The following TRIM44 variants were observed in gnomAD, a reference collection of about 807,000 sequenced individuals.
TRIM44 encodes tripartite motif-containing protein 44.
Under a neutral mutation model 37.4 loss-of-function variants are expected in TRIM44, and 13 were observed. That is an observed-to-expected ratio of 0.35 (90% CI 0.23 to 0.55). The LOEUF (loss-of-function observed/expected upper bound fraction) is 0.55. TRIM44 is among the 20% of genes least tolerant of loss of function. The pLI is 0.89. For missense variants in TRIM44, 426 were observed against 437.2 expected, an observed-to-expected ratio of 0.97 and a Z score of 0.23; for synonymous variants, 175 against 157.2, an observed-to-expected ratio of 1.11 and a Z score of -0.85.
intron 4 of TRIM44, among the ~76,000 whole-genome samples, chr11:35,758,023 T>G (rs972195314): frequency 6.6e-6 from 1 of 152,192 alleles, no homozygotes; most frequent in African/African-American, 2.4e-5. Context: ...GTCCGCTTGG[T>G]GCAGAGCTGA....
At chr11:35,696,474 T>G (rs888801508) in intron 2 of TRIM44, among the ~76,000 whole-genome samples, 3 of 151,978 alleles carry the variant, frequency 2.0e-5, no homozygotes, top group Admixed American at 2.0e-4. Context: ...AAACCTTTAC[T>G]CACTGATAGA....
intron 4 of TRIM44, among the ~76,000 whole-genome samples, chr11:35,735,808 AT>A (rs1372984842): frequency 6.6e-6 from 1 of 151,884 alleles, no homozygotes; most frequent in Non-Finnish European, 1.5e-5. Flanking sequence ...AATTAGATTG[AT>A]TTTTTTAATG....
At chr11:35,667,088 A>G (rs1183984900) in intron 1 of TRIM44, among the ~76,000 whole-genome samples, 1 of 152,210 alleles carries the variant, frequency 6.6e-6, no homozygotes. Flanking sequence ...TTGCACAAAT[A>G]AGTGATATGT....
chr11:35,769,929 G>A (rs889250568), intron 4 of TRIM44, among the ~76,000 whole-genome samples: 1 of 152,064 alleles, frequency 6.6e-6, no homozygotes, highest in Non-Finnish European at 1.5e-5. Context: ...TTTTATTTTA[G>A]GTTCAAGAGG....
chr11:35,739,094 C>T (rs1301051939), intron 4 of TRIM44, among the ~76,000 whole-genome samples: 1 of 152,136 alleles, frequency 6.6e-6, no homozygotes, highest in Non-Finnish European at 1.5e-5. Context: ...AAATGTTGTG[C>T]TTTTAGTCAT....
intron 1 of TRIM44, among the ~76,000 whole-genome samples, chr11:35,671,755 G>T (rs1284126537): frequency 6.6e-6 from 1 of 152,226 alleles, no homozygotes; most frequent in Non-Finnish European, 1.5e-5. Flanking sequence ...CGTAAGATCA[G>T]CATTTAGTCA....
chr11:35,711,531 A>C (rs1213851682), intron 2 of TRIM44, among the ~76,000 whole-genome samples: 1 of 151,878 alleles, frequency 6.6e-6, no homozygotes, highest in Non-Finnish European at 1.5e-5. Flanking sequence ...TTGTTGGGAA[A>C]ATAAGTGAGA....
chr11:35,675,819 T>C (rs1294506927), intron 1 of TRIM44, among the ~76,000 whole-genome samples: 1 of 152,058 alleles, frequency 6.6e-6, no homozygotes, highest in Non-Finnish European at 1.5e-5. Context: ...TGCACCTGGC[T>C]GGGCACACTG....
At chr11:35,696,429 G>A (rs2970321) in intron 2 of TRIM44, among the ~76,000 whole-genome samples, 151,832 of 151,898 alleles carry the variant, frequency 1, 75,883 homozygotes, top group Non-Finnish European at 1. Context: ...GGCGTGAGCC[G>A]CCGCAAGCAG....
At chr11:35,682,911 T>G (rs2135489488) in intron 1 of TRIM44, among the ~76,000 whole-genome samples, 1 of 152,306 alleles carries the variant, frequency 6.6e-6, no homozygotes, top group East Asian at 1.9e-4. Context: ...TTCCTTTCTG[T>G]TCTCTAGAGC....
rs1853449444 is a variant in TRIM44 at position 35,806,414 on chromosome 11, C to A, written c.*29C>A. On this transcript the variant is annotated 3_prime_UTR_variant, in exon 5 of 5. Transcript: ENST00000299413. Reference sequence around the variant, plus strand: ...CTTGCTACCCCCAGTGGAAAATCATCCCCTCCCCTTGTGTGTATGTGACAG... The same window carrying A: ...CTTGCTACCCCCAGTGGAAAATCATACCCTCCCCTTGTGTGTATGTGACAG... 1.9e-6 allele frequency: 3 copies of A among 1,612,954 alleles called. No homozygotes were observed. Among genetic ancestry groups the A allele is most frequent in the Non-Finnish European group, 2.5e-6 (3 of 1,179,080 alleles).
At chr11:35,759,358 T>C (rs949448022) in intron 4 of TRIM44, among the ~76,000 whole-genome samples, 2 of 152,234 alleles carry the variant, frequency 1.3e-5, no homozygotes, top group Non-Finnish European at 2.9e-5. Context: ...CATCAGGTCC[T>C]TTAAGGACCT....
intron 1 of TRIM44, among the ~76,000 whole-genome samples, chr11:35,667,405 T>C (rs1030212725): frequency 6.6e-6 from 1 of 152,260 alleles, no homozygotes; most frequent in Non-Finnish European, 1.5e-5. Flanking sequence ...GATCTTACTC[T>C]GTTGATCAGG....
intron 2 of TRIM44, among the ~76,000 whole-genome samples, chr11:35,712,628 T>C (rs1244838719): frequency 6.6e-6 from 1 of 152,182 alleles, no homozygotes; most frequent in African/African-American, 2.4e-5. Flanking sequence ...ATTAACACTT[T>C]GTGATGTCTT....
chr11:35,791,335 G>C (rs571917211), intron 4 of TRIM44, among the ~76,000 whole-genome samples: 3 of 152,050 alleles, frequency 2.0e-5, no homozygotes, highest in African/African-American at 7.3e-5. Flanking sequence ...ATCTGCTTGT[G>C]CTGCCTCAGG....
In TRIM44 at chr11:35,813,418, A is replaced by G. The variant is rs2970318; in HGVS notation, c.*7033A>G. ...TACCATGAAGCAAACGCATAAGACA[A>G]AGGCCATACATCTAGTCATCAGGCA... On this transcript the variant is annotated 3_prime_UTR_variant, in exon 5 of 5. Coordinates refer to ENST00000299413, the MANE Select transcript of TRIM44 (RefSeq NM_017583.6). 30,305 of 152,138 alleles carry G rather than the reference A, an allele frequency of 0.2. 3,252 individuals carry two copies. Among genetic ancestry groups the G allele is most frequent in the Admixed American group, 0.32 (4,841 of 15,284 alleles). The allele number at this position is 152,138 out of a possible 1,614,324, so 9.4% of individuals were successfully genotyped here.
At chr11:35,687,915 A>G (rs1389770153) in intron 2 of TRIM44, among the ~76,000 whole-genome samples, 2 of 152,136 alleles carry the variant, frequency 1.3e-5, no homozygotes, top group Non-Finnish European at 2.9e-5. Context: ...GTCTACCACA[A>G]CCATATGCTG....
At position 35,693,740 on chromosome 11, in the gene TRIM44, T is replaced by C. The variant is rs11033243; in HGVS notation, c.747+8404T>C. Among the ~76,000 whole-genome samples the C allele has an allele frequency of 0.014, 2,110 of 152,224 alleles. 123 individuals are homozygous for C. In the East Asian group the frequency reaches 0.14, roughly 10 times the overall value. ...GCCTCAGCACCACCCTCAGTTACCA[T>C]CATTTTGGGTTTCCAGTCTCAGCAT... is the stretch of plus-strand genomic sequence containing the variant. On this transcript the variant is annotated intron_variant, in intron 2 of 4. Coordinates refer to ENST00000299413, the MANE Select transcript of TRIM44 (RefSeq NM_017583.6).
At chr11:35,778,738 C>G (rs1414732245) in intron 4 of TRIM44, among the ~76,000 whole-genome samples, 1 of 152,180 alleles carries the variant, frequency 6.6e-6, no homozygotes, top group African/African-American at 2.4e-5. Flanking sequence ...ACTCCAGTCC[C>G]TGTTTGCCTG....
Sources: gnomAD v4.1 joint callset for allele counts (sites outside exome capture counted in the v4.1 genomes callset) on GRCh38, gnomAD v4.1.1 for gene constraint, MANE v1.5 for transcripts, NCBI Gene and HGNC (gene_info 2026-07-23, HGNC 2026-07-21) for gene names.